SHROOM3: variants seen among roughly 807,000 people sequenced by gnomAD.
The protein encoded by SHROOM3 is protein Shroom3.
SHROOM3 carries 47 observed loss-of-function variants against 138.6 expected under a neutral mutation model. That is an observed-to-expected ratio of 0.34 (90% CI 0.27 to 0.43). The LOEUF is 0.43. Among genes scored for constraint, SHROOM3 ranks in the 20% least tolerant of loss-of-function variants. The pLI, the probability that SHROOM3 is intolerant of heterozygous loss-of-function variation, is 1.00. For synonymous variants in SHROOM3, 1,062 were observed against 1,063.3 expected, an observed-to-expected ratio of 1.00 and a Z score of 0.02; for missense variants, 2,491 against 2,596.5, an observed-to-expected ratio of 0.96 and a Z score of 0.88.
intron 1 of SHROOM3, among the ~76,000 whole-genome samples, chr4:76,528,709 C>T (rs1467573653): frequency 1.3e-5 from 2 of 152,088 alleles, no homozygotes; most frequent in African/African-American, 4.8e-5. Context: ...TGTGCCACCA[C>T]GCCTAGCTAA....
intron 2 of SHROOM3, among the ~76,000 whole-genome samples, chr4:76,648,876 G>T (rs1478768702): frequency 1.3e-5 from 2 of 152,112 alleles, no homozygotes; most frequent in African/African-American, 2.4e-5. Context: ...AGCATATGAT[G>T]GGGGGAGCTG....
intron 2 of SHROOM3, among the ~76,000 whole-genome samples, chr4:76,685,714 C>T (rs192187912): frequency 6.6e-6 from 1 of 152,292 alleles, no homozygotes; most frequent in East Asian, 1.9e-4. Context: ...CACGGTGGCT[C>T]ACGCCTGTAA....
At position 76,589,329 on chromosome 4, in the gene SHROOM3, T is replaced by A. The variant is rs561974472; in HGVS notation, c.323+33566T>A. On this transcript the variant is annotated intron_variant, in intron 2 of 10. Transcript: ENST00000296043. ...CTAAAAATACAAAATTAGCCAGGCT[T>A]GGTGGCGCATGCCTGTAATCCCAGC... Among the ~76,000 whole-genome samples the A allele has an allele frequency of 5.9e-5, 9 of 152,192 alleles. No homozygotes were observed. The South Asian group carries it at 1.9e-3, about 32-fold the overall frequency.
intron 10 of SHROOM3, among the ~76,000 whole-genome samples, chr4:76,773,173 A>G (rs982179817): frequency 2.6e-5 from 4 of 152,014 alleles, no homozygotes; most frequent in Middle Eastern, 3.2e-3. Flanking sequence ...TCAGGAGTTC[A>G]AGACCAGCCT....
chr4:76,735,863 AAAAAAATATATATATATAT>A (rs1938335122), intron 4 of SHROOM3, among the ~76,000 whole-genome samples: 1 of 19,958 alleles, frequency 5.0e-5, no homozygotes, highest in Non-Finnish European at 1.3e-4. Flanking sequence ...AAAAAAAAAA[AAAAAAATATATATATATAT>A]ATATATATAT....
intron 3 of SHROOM3, among the ~76,000 whole-genome samples, chr4:76,718,508 T>C (rs1485880469): frequency 6.6e-6 from 1 of 152,220 alleles, no homozygotes; most frequent in Non-Finnish European, 1.5e-5. Context: ...GTTGAAAATA[T>C]AGATTCTTTT....
At chr4:76,601,226 T>C (rs1734498843) in intron 2 of SHROOM3, among the ~76,000 whole-genome samples, 1 of 152,154 alleles carries the variant, frequency 6.6e-6, no homozygotes, top group Non-Finnish European at 1.5e-5. Flanking sequence ...TTTAACAATA[T>C]CTGGAGACAT....
In SHROOM3 at chr4:76,608,656, C is replaced by CATTGGACAGAGATGGT. The variant is rs1734688024; in HGVS notation, c.323+52895_323+52896insTGGACAGAGATGGTAT. On this transcript the variant is annotated intron_variant, in intron 2 of 10. Coordinates refer to ENST00000296043, the MANE Select transcript of SHROOM3 (RefSeq NM_020859.4). ...CATAGCATAGCATAGCATAGCATAG[C>CATTGGACAGAGATGGT]ATAGCATAGCACAGCATAGCACAGC... Among the ~76,000 whole-genome samples the CATTGGACAGAGATGGT allele has an allele frequency of 4.1e-4, 11 of 26,772 alleles. No homozygotes were observed. In the Admixed American group the frequency reaches 5.4e-3, roughly 13 times the overall value. 17.6% of individuals were successfully genotyped at this position (26,772 alleles called of 152,430 possible).
chr4:76,650,874 G>A (rs1735941297), intron 2 of SHROOM3, among the ~76,000 whole-genome samples: 1 of 152,132 alleles, frequency 6.6e-6, no homozygotes, highest in Admixed American at 6.6e-5. Flanking sequence ...AGATTTGGAA[G>A]CAACTTAAAT....
At chr4:76,596,249 A>T (rs1478240940) in intron 2 of SHROOM3, among the ~76,000 whole-genome samples, 1 of 152,148 alleles carries the variant, frequency 6.6e-6, no homozygotes. Flanking sequence ...GGACATTTTC[A>T]TATGAAAAAA....
chr4:76,645,259 T>C (rs1160357443), intron 2 of SHROOM3: 2 of 152,254 alleles, frequency 1.3e-5, no homozygotes, highest in Non-Finnish European at 2.9e-5. Context: ...CAGGGAGTTG[T>C]CTGAAGGAGC....
At chr4:76,677,210 T>C (rs766010985) in intron 2 of SHROOM3, among the ~76,000 whole-genome samples, 113 of 152,206 alleles carry the variant, frequency 7.4e-4, no homozygotes, top group Non-Finnish European at 2.8e-4. Context: ...TATTTGCCTG[T>C]ACAGAATGAA....
chr4:76,522,997 CA>C (rs1732598090), intron 1 of SHROOM3, among the ~76,000 whole-genome samples: 1 of 152,166 alleles, frequency 6.6e-6, no homozygotes, highest in Non-Finnish European at 1.5e-5. Flanking sequence ...CACATTCTCA[CA>C]AACCAGGTAG....
At chr4:76,742,128 AT>A in intron 5 of SHROOM3, 1 of 707,458 alleles carries the variant, frequency 1.4e-6, no homozygotes, top group Non-Finnish European at 2.5e-6. Context: ...AGGTATCTAG[AT>A]TACGTATGTT....
intron 1 of SHROOM3, among the ~76,000 whole-genome samples, chr4:76,528,587 C>A (rs939806570): frequency 1.9e-5 from 2 of 104,986 alleles, no homozygotes; most frequent in Admixed American, 1.2e-4. Flanking sequence ...CTCTTGTTGC[C>A]CAGGCTGGAG....
At chr4:76,600,875 A>C (rs560930621) in intron 2 of SHROOM3, among the ~76,000 whole-genome samples, 69 of 152,330 alleles carry the variant, frequency 4.5e-4, no homozygotes, top group African/African-American at 1.5e-3. Flanking sequence ...TAAGAAATAC[A>C]TGTTTAAGTA....
chr4:76,521,424 A>G (rs377141982), intron 1 of SHROOM3, among the ~76,000 whole-genome samples: 1 of 152,224 alleles, frequency 6.6e-6, no homozygotes, highest in Non-Finnish European at 1.5e-5. Context: ...GCTGGGACCT[A>G]AATAAAACAT....
chr4:76,569,869 C>G (rs1174604892), intron 2 of SHROOM3, among the ~76,000 whole-genome samples: 1 of 152,098 alleles, frequency 6.6e-6, no homozygotes, highest in Non-Finnish European at 1.5e-5. Context: ...GCCTCTAGCC[C>G]TAAGGGAGTG....
intron 1 of SHROOM3, among the ~76,000 whole-genome samples, chr4:76,462,502 G>A (rs570413954): frequency 3.9e-5 from 6 of 152,138 alleles, no homozygotes; most frequent in Non-Finnish European, 8.8e-5. Flanking sequence ...TTGGATTTGT[G>A]TCCCCACCCA....
Sources: gnomAD v4.1 joint callset for allele counts (sites outside exome capture counted in the v4.1 genomes callset) on GRCh38, gnomAD v4.1.1 for gene constraint, MANE v1.5 for transcripts, NCBI Gene and HGNC (gene_info 2026-07-23, HGNC 2026-07-21) for gene names.